SSC5D: variants seen among roughly 807,000 people sequenced by gnomAD.
SSC5D encodes soluble scavenger receptor cysteine-rich domain-containing protein SSC5D.
Under a neutral mutation model 104.6 loss-of-function variants are expected in SSC5D, and 106 were observed. That is an observed-to-expected ratio of 1.01 (90% CI 0.87 to 1.19). SSC5D has a LOEUF of 1.19. SSC5D is among the 50% of genes most tolerant of loss of function. The pLI is 0.00. For missense variants in SSC5D, 1,993 were observed against 2,153.8 expected, an observed-to-expected ratio of 0.93 and a Z score of 1.48; for synonymous variants, 860 against 883.5, an observed-to-expected ratio of 0.97 and a Z score of 0.47.
chr19:55,490,110 A>T, intron 4 of SSC5D, 115 bp downstream of exon 4: 1 of 568,072 alleles, frequency 1.8e-6, no homozygotes, highest in Non-Finnish European at 3.0e-6. Flanking sequence ...GCCCCCACCG[A>T]GGGGAGAGGG....
Position 55,517,458 on chromosome 19 carries a change from AC to A in SSC5D, c.3184del (p.Leu1062SerfsTer3). On this transcript the variant is annotated frameshift_variant, in exon 14 of 14. Coordinates refer to ENST00000389623, the MANE Select transcript of SSC5D (RefSeq NM_001144950.2). LOFTEE classifies it low-confidence loss of function (END_TRUNC). ...GACCCGGCCTCCCGGACGAACCCCG[AC>A]CTCATCTTGACAAGCCCTGACTTTG... ...TPDPASRTNP[D>X]LILTSPDFAL... 6.4e-7 allele frequency: 1 copy of A among 1,550,464 alleles called. No individual in the cohort carries two copies. The highest frequency in any genetic ancestry group is 8.7e-7 in the Non-Finnish European group (1 of 1,146,848).
At position 55,497,839 on chromosome 19, in the gene SSC5D, G is replaced by A. The variant is rs942424744; in HGVS notation, c.1388-41G>A. 9 of 1,477,652 alleles carry A rather than the reference G, an allele frequency of 6.1e-6. No homozygotes were observed. In the African/African-American group the frequency reaches 7.0e-5, roughly 11 times the overall value. 91.5% of individuals were successfully genotyped at this position (1,477,652 alleles called of 1,614,324 possible). A position where few individuals can be genotyped will look rare whatever the true frequency, so the allele number is the denominator to read the frequency against. ...TGGATGAAGAGTCAGGAGGCTGGGC[G>A]GCTTCCCCGACTCTAATTCTTTGGG... On this transcript the variant is annotated intron_variant, in intron 8 of 13. Transcript: ENST00000389623.
intron 12 of SSC5D, among the ~76,000 whole-genome samples, chr19:55,508,079 CA>C (rs1987677239): frequency 6.6e-6 from 1 of 152,170 alleles, no homozygotes; most frequent in South Asian, 2.1e-4. Flanking sequence ...GGGGGCACAG[CA>C]GCCAGAGTGG....
chr19:55,496,593 G>A (rs1987331143), intron 8 of SSC5D, among the ~76,000 whole-genome samples: 1 of 152,216 alleles, frequency 6.6e-6, no homozygotes, highest in Non-Finnish European at 1.5e-5. Flanking sequence ...CCACTGTGGT[G>A]TGGATACTGA....
intron 9 of SSC5D, 79 bp from the exon 10 acceptor site, chr19:55,499,737 G>C: frequency 8.9e-7 from 1 of 1,120,960 alleles, no homozygotes; most frequent in Non-Finnish European, 1.3e-6. Context: ...TGAGTGACTG[G>C]AGAGAAGGAG....
intron 13 of SSC5D, among the ~76,000 whole-genome samples, chr19:55,513,915 G>C (rs1038716553): frequency 6.6e-6 from 1 of 152,144 alleles, no homozygotes; most frequent in Non-Finnish European, 1.5e-5. Context: ...TCCCAGAAAA[G>C]GAAGCCCAAA....
rs1868975977 is a variant in SSC5D at position 55,489,029 on chromosome 19, G to A, written c.49G>A (p.Val17Ile). Residue 17 changes from valine to isoleucine, a missense_variant, in exon 2 of 14, where the codon GTT becomes ATT. By Grantham distance (29) the Val-to-Ile change is conservative. Coordinates refer to ENST00000389623, the MANE Select transcript of SSC5D (RefSeq NM_001144950.2). ...AGCGGCCCTGGTGGGGATCCAGGCT[G>A]TTGGTAAGTGCCCAGACTCCTCCCA... Reference protein sequence around the residue: ...LLAALVGIQAVERLRLADGPH... With the variant: ...LLAALVGIQAIERLRLADGPH... The A allele has an allele frequency of 6.7e-7, 1 of 1,483,312 alleles. No individual in the cohort carries two copies. The highest frequency in any genetic ancestry group is 8.9e-7 in the Non-Finnish European group (1 of 1,117,396). The allele number at this position is 1,483,312 out of a possible 1,614,324, so 91.9% of individuals were successfully genotyped here.
chr19:55,493,994 G>GCCCCCCCCCCCCCCCC, intron 7 of SSC5D, 82 bp downstream of exon 7: 1 of 143,312 alleles, frequency 7.0e-6, no homozygotes, highest in Non-Finnish European at 1.4e-5. Flanking sequence ...GGGCGGGGGG[G>GCCCCCCCCCCCCCCCC]TCCCTACGCG....
chr19:55,517,468 G>A lies in SSC5D; in HGVS notation c.3192G>A (p.Leu1064=). ...PASRTNPDLI[L]TSPDFALSTP... ...CCCGGACGAACCCCGACCTCATCTT[G>A]ACAAGCCCTGACTTTGCTTTGTCCA... is the stretch of plus-strand genomic sequence containing the variant. The change falls in exon 14 of 14, where the codon TTG becomes TTA. Residue 1064 remains leucine (L), a synonymous_variant. Coordinates refer to ENST00000389623, the MANE Select transcript of SSC5D (RefSeq NM_001144950.2). The A allele has an allele frequency of 6.4e-7, 1 of 1,550,956 alleles. No homozygotes were observed. The highest frequency in any genetic ancestry group is 8.7e-7 in the Non-Finnish European group (1 of 1,146,878).
chr19:55,497,799 G>A lies in SSC5D; in HGVS notation c.1388-81G>A, dbSNP rs956347415. The A allele has an allele frequency of 3.1e-6, 4 of 1,295,324 alleles. No individual in the cohort carries two copies. The East Asian group carries it at 7.8e-5, about 25-fold the overall frequency. 80.2% of individuals were successfully genotyped at this position (1,295,324 alleles called of 1,614,324 possible). On this transcript the variant is annotated intron_variant, in intron 8 of 13. Coordinates refer to ENST00000389623, the MANE Select transcript of SSC5D (RefSeq NM_001144950.2). ...TAGATGGATGAGTGGAAAGGAAGAT[G>A]GGGGGAGGGAAAGGTGGATGAAGAG... is the stretch of plus-strand genomic sequence containing the variant.
At chr19:55,489,191 C>T (rs1160570895) in intron 2 of SSC5D, 159 bp downstream of exon 2, 19 of 996,798 alleles carry the variant, frequency 1.9e-5, no homozygotes, top group Admixed American at 3.6e-5. Context: ...GGTGTCTGGC[C>T]GCATCTCTCT....
Position 55,518,597 on chromosome 19 carries a change from C to T in SSC5D, c.4321C>T (p.Leu1441Phe), listed in dbSNP as rs144661476. ...ASDLTVSPDP[L>F]LSPTAHPLDH... ...TGACCTTACTGTGTCCCCTGACCCCCTCCTTTCCCCCACAGCCCACCCCTT... is the reference window on the plus strand; with the variant it reads ...TGACCTTACTGTGTCCCCTGACCCCTTCCTTTCCCCCACAGCCCACCCCTT... Residue 1441 changes from leucine (L) to phenylalanine (F), a missense_variant, in exon 14 of 14, where the codon CTC (leucine) becomes TTC (phenylalanine). Physicochemically the swap from Leu to Phe is conservative, Grantham distance 22 (BLOSUM62 0). Transcript: ENST00000389623. 6.5e-7 allele frequency: 1 copy of T among 1,535,146 alleles called. No homozygotes were observed. The highest frequency in any genetic ancestry group is 2.5e-5 in the East Asian group (1 of 40,806).
chr19:55,495,787 G>A (rs1277436493), intron 8 of SSC5D, among the ~76,000 whole-genome samples: 1 of 151,878 alleles, frequency 6.6e-6, no homozygotes, highest in Non-Finnish European at 1.5e-5. Flanking sequence ...TGGTTGCCCA[G>A]GCTGGAGTGC....
chr19:55,500,908 G>A lies in SSC5D; in HGVS notation c.2617+104G>A, dbSNP rs111622258. ...ACCATGGTCGACTCTAAAGAACTGG[G>A]TATGAGGGGTCGGGGTGGGGAGATC... On this transcript the variant is annotated intron_variant, in intron 11 of 13. Transcript: ENST00000389623. The surrounding 1 kb of genome is among the most constrained non-coding windows in gnomAD (Gnocchi z 4.6). 17,567 of 1,443,834 alleles carry A rather than the reference G, an allele frequency of 0.012. 121 individuals are homozygous for A. Among genetic ancestry groups the A allele is most frequent in the Non-Finnish European group, 0.014 (15,293 of 1,062,050 alleles). The allele number at this position is 1,443,834 out of a possible 1,614,324, so 89.4% of individuals were successfully genotyped here. A position where few individuals can be genotyped will look rare whatever the true frequency, so the allele number is the denominator to read the frequency against.
chr19:55,495,466 CA>C (rs1255487669), intron 8 of SSC5D, among the ~76,000 whole-genome samples: 1 of 150,406 alleles, frequency 6.6e-6, no homozygotes, highest in Non-Finnish European at 1.5e-5. Flanking sequence ...CTCCTGATCC[CA>C]AACCATCTGC....
chr19:55,500,739 G>C lies in SSC5D; in HGVS notation c.2552G>C (p.Cys851Ser). 6.4e-7 allele frequency: 1 copy of C among 1,551,698 alleles called. No homozygotes were observed. Among genetic ancestry groups the C allele is most frequent in the Non-Finnish European group, 8.7e-7 (1 of 1,147,002 alleles). The change falls in exon 11 of 14, where the codon TGC becomes TCC. Residue 851 changes from cysteine to serine, a missense_variant. Cys to Ser is a moderately radical substitution (Grantham distance 112, BLOSUM62 -1). This residue lies in a region of SSC5D where 423 missense variants were observed against 409.2 expected (regional missense o/e 1.03). Coordinates refer to ENST00000389623, the MANE Select transcript of SSC5D (RefSeq NM_001144950.2). The surrounding 1 kb of genome is among the most constrained non-coding windows in gnomAD (Gnocchi z 4.6). ...CKGSEASLSDCPSGAWGKHNC... is the reference protein window; with the variant it reads ...CKGSEASLSDSPSGAWGKHNC... ...GGAAGCGAGGCCTCACTGAGCGACT[G>C]CCCCTCGGGGGCTTGGGGGAAGCAC...
chr19:55,496,750 C>CTTTTTT (rs34304244), intron 8 of SSC5D, among the ~76,000 whole-genome samples: 2 of 139,804 alleles, frequency 1.4e-5, no homozygotes, highest in East Asian at 4.2e-4. Context: ...TTTTACCAGT[C>CTTTTTT]TTTTTTTTTT....
chr19:55,516,178 A>AAC (rs2123460096), intron 13 of SSC5D, among the ~76,000 whole-genome samples: 1 of 151,970 alleles, frequency 6.6e-6, no homozygotes, highest in East Asian at 1.9e-4. Context: ...AAAAAAAAAA[A>AAC]AACCCATGAT....
At chr19:55,493,472 A>T in intron 6 of SSC5D, 123 bp from the exon 7 acceptor site, 1 of 861,634 alleles carries the variant, frequency 1.2e-6, no homozygotes. Context: ...CCTCATTTGG[A>T]TAGTGAAGAT....
Sources: gnomAD v4.1 joint callset for allele counts (sites outside exome capture counted in the v4.1 genomes callset) on GRCh38, gnomAD v4.1.1 for gene constraint, gnomAD v4.1.1 regional missense constraint, Gnocchi (gnomAD v3.1) non-coding constraint, MANE v1.5 for transcripts, NCBI Gene and HGNC (gene_info 2026-07-23, HGNC 2026-07-21) for gene names.